Variants in EFCAB5 observed in about 807,000 individuals in gnomAD.
The protein encoded by EFCAB5 is EF-hand calcium binding domain 5.
In EFCAB5, 131 loss-of-function variants were observed where a neutral mutation model predicts 167.9. The ratio of observed to expected loss-of-function variants is 0.78; its 90% CI spans 0.68 to 0.90. The LOEUF is 0.90. Among genes scored for constraint, EFCAB5 ranks in the 40% least tolerant of loss-of-function variants. The pLI is 0.00. For synonymous variants in EFCAB5, 574 were observed against 602.8 expected, an observed-to-expected ratio of 0.95 and a Z score of 0.70; for missense variants, 1,663 against 1,745.2, an observed-to-expected ratio of 0.95 and a Z score of 0.84.
chr17:29,986,834 A>G (rs2068296341), intron 4 of EFCAB5, among the ~76,000 whole-genome samples: 2 of 150,924 alleles, frequency 1.3e-5, no homozygotes, highest in South Asian at 2.1e-4. Context: ...TTTTTAGTAG[A>G]GACAGGGTTT....
intron 3 of EFCAB5, among the ~76,000 whole-genome samples, chr17:29,944,267 G>C (rs970731427): frequency 3.3e-5 from 5 of 151,980 alleles, no homozygotes; most frequent in African/African-American, 1.2e-4. Context: ...TTTTTGTAGA[G>C]AGAATTTCTT....
intron 7 of EFCAB5, among the ~76,000 whole-genome samples, chr17:30,018,151 T>G (rs2069091623): frequency 6.6e-6 from 1 of 152,108 alleles, no homozygotes; most frequent in African/African-American, 2.4e-5. Context: ...ATTGCTTAAT[T>G]GTTTCCTGGT....
At chr17:30,005,405 GA>G (rs2068754485) in intron 7 of EFCAB5, among the ~76,000 whole-genome samples, 2 of 152,238 alleles carry the variant, frequency 1.3e-5, no homozygotes, top group Non-Finnish European at 2.9e-5. Flanking sequence ...TTTCTGGTGA[GA>G]TTAAAGATTA....
intron 3 of EFCAB5, among the ~76,000 whole-genome samples, chr17:29,953,846 G>A (rs1440503790): frequency 2.0e-5 from 3 of 152,222 alleles, no homozygotes; most frequent in Admixed American, 6.5e-5. Flanking sequence ...CTTGTTGAAC[G>A]GCTTTGGCCA....
intron 3 of EFCAB5, among the ~76,000 whole-genome samples, chr17:29,946,314 T>G (rs1332703306): frequency 6.6e-6 from 1 of 151,946 alleles, no homozygotes; most frequent in Non-Finnish European, 1.5e-5. Context: ...GGATCATTAT[T>G]AAAATGTCAA....
intron 3 of EFCAB5, among the ~76,000 whole-genome samples, chr17:29,952,035 C>G (rs533499660): frequency 6.6e-5 from 10 of 152,252 alleles, no homozygotes; most frequent in African/African-American, 2.4e-4. Flanking sequence ...ATTTAGTGCT[C>G]ACAGTTATGG....
At chr17:30,061,629 G>A (rs542497858) in intron 14 of EFCAB5, among the ~76,000 whole-genome samples, 1 of 152,218 alleles carries the variant, frequency 6.6e-6, no homozygotes, top group Non-Finnish European at 1.5e-5. Context: ...AGGCTGGAAC[G>A]CAGTGGCATA....
At chr17:30,001,719 A>G (rs1445554876) in intron 7 of EFCAB5, among the ~76,000 whole-genome samples, 4 of 152,244 alleles carry the variant, frequency 2.6e-5, no homozygotes, top group Non-Finnish European at 4.4e-5. Context: ...GAAGTAAACA[A>G]TTTTAAATCC....
At position 29,943,776 on chromosome 17, in the gene EFCAB5, C is replaced by T. The variant is rs1002510056; in HGVS notation, c.190+127C>T. On this transcript the variant is annotated intron_variant, in intron 3 of 22. Coordinates refer to ENST00000394835, the MANE Select transcript of EFCAB5 (RefSeq NM_198529.4). ...ATCATCAGAGGTCAGGAGTTCGAAA[C>T]CAGCCTGGCCAACATGGTGAAACAC... is the stretch of plus-strand genomic sequence containing the variant. 4.2e-5 allele frequency: 25 copies of T among 594,898 alleles called. No individual in the cohort carries two copies. The African/African-American group carries it at 4.9e-4, about 12-fold the overall frequency. 36.9% of individuals were successfully genotyped at this position (594,898 alleles called of 1,614,324 possible). A position where few individuals can be genotyped will look rare whatever the true frequency, so the allele number is the denominator to read the frequency against.
chr17:29,933,612 C>A (rs1048281351), intron 1 of EFCAB5, among the ~76,000 whole-genome samples: 1 of 152,194 alleles, frequency 6.6e-6, no homozygotes, highest in Admixed American at 6.6e-5. Context: ...TTCCCACCTG[C>A]GATGCTGGAG....
intron 8 of EFCAB5, among the ~76,000 whole-genome samples, chr17:30,050,436 AT>A (rs1336086415): frequency 1.3e-5 from 2 of 151,968 alleles, no homozygotes; most frequent in African/African-American, 4.8e-5. Context: ...CGCCTGGCCT[AT>A]ATCAGGTTTT....
At chr17:30,106,167 G>A (rs1414466146) in intron 22 of EFCAB5, among the ~76,000 whole-genome samples, 1 of 151,990 alleles carries the variant, frequency 6.6e-6, no homozygotes, top group Non-Finnish European at 1.5e-5. Flanking sequence ...GCTCATGGCT[G>A]TAATCCCAGC....
chr17:29,937,376 G>A (rs1385365709), upstream of EFCAB5, among the ~76,000 whole-genome samples: 5 of 151,844 alleles, frequency 3.3e-5, no homozygotes, highest in Non-Finnish European at 5.9e-5. Context: ...TAGTAGAGAC[G>A]GGGTTTCACC....
intron 14 of EFCAB5, among the ~76,000 whole-genome samples, chr17:30,076,599 C>T (rs181414428): frequency 8.5e-5 from 13 of 152,296 alleles, no homozygotes; most frequent in Non-Finnish European, 1.5e-4. Flanking sequence ...TAGATGCTAT[C>T]GTCTTTCAAG....
chr17:30,069,719 C>G, intron 14 of EFCAB5: 1 of 1,015,424 alleles, frequency 9.8e-7, no homozygotes, highest in Non-Finnish European at 1.5e-6. Flanking sequence ...GTCTCATGTA[C>G]CCCCGGTGCT....
rs560601377 is a variant in EFCAB5 at position 30,093,358 on chromosome 17, G to A, written c.4321+422G>A. 2.0e-5 allele frequency among the ~76,000 whole-genome samples: 3 copies of A among 152,310 alleles called. No individual in the cohort carries two copies. The East Asian group carries it at 5.8e-4, about 29-fold the overall frequency. On this transcript the variant is annotated intron_variant, in intron 22 of 22. Transcript: ENST00000394835. ...AGACGATTAGCTGTTTGGCCACAGG[G>A]AATAGGCCACATATGAGAGTAAATA...
chr17:30,013,995 A>C, intron 7 of EFCAB5, among the ~76,000 whole-genome samples: 1 of 152,172 alleles, frequency 6.6e-6, no homozygotes, highest in East Asian at 1.9e-4. Context: ...AGATTCTGGC[A>C]TGTTGTGTCT....
chr17:30,092,895 A>G lies in EFCAB5; in HGVS notation c.4280A>G (p.His1427Arg). Residue 1427 changes from histidine to arginine, a missense_variant, in exon 22 of 23, where the codon CAT (histidine) becomes CGT (arginine). His to Arg is a conservative substitution (Grantham distance 29). Transcript: ENST00000394835. ...TGTGCCTTTGATCCAACTGCCAAGC[A>G]TGTGGAAGTTAATGTACAGCTTATT... is the stretch of plus-strand genomic sequence containing the variant. ...NICAFDPTAK[H>R]VEVNVQLIDE... The G allele has an allele frequency of 2.5e-6, 4 of 1,612,212 alleles. No individual in the cohort carries two copies. The highest frequency in any genetic ancestry group is 3.4e-6 in the Non-Finnish European group (4 of 1,179,222).
Position 30,077,166 on chromosome 17 carries a change from G to A in EFCAB5, c.2738-1049G>A, listed in dbSNP as rs971166847. On this transcript the variant is annotated intron_variant, in intron 14 of 22. Transcript: ENST00000394835. ...AAAATATAAAAATTAGCCAGGCATA[G>A]TGGTGCACATCTGTAATCCCAGCTA... Among the ~76,000 whole-genome samples the A allele has an allele frequency of 2.0e-5, 3 of 152,226 alleles. No homozygotes were observed. In the South Asian group the frequency reaches 6.2e-4, roughly 32 times the overall value.
Sources: allele counts gnomAD v4.1 joint callset (sites outside exome capture counted in the v4.1 genomes callset), GRCh38; gene constraint gnomAD v4.1.1; transcripts MANE v1.5; gene names NCBI Gene and HGNC (gene_info 2026-07-23, HGNC 2026-07-21).